Variants in PARD3 observed in about 807,000 individuals in gnomAD.
PARD3 encodes partitioning defective 3 homolog.
PARD3 carries 75 observed loss-of-function variants against 155.4 expected under a neutral mutation model. The observed-to-expected ratio is 0.48, with a 90% CI of 0.40 to 0.58. The LOEUF (loss-of-function observed/expected upper bound fraction) is 0.58. Among genes scored for constraint, PARD3 ranks in the 20% least tolerant of loss-of-function variants. The pLI is 0.00. For synonymous variants in PARD3, 576 were observed against 610.5 expected, an observed-to-expected ratio of 0.94 and a Z score of 0.83; for missense variants, 1,642 against 1,721.7, an observed-to-expected ratio of 0.95 and a Z score of 0.82.
chr10:34,709,168 C>T (rs2094413617), intron 1 of PARD3, among the ~76,000 whole-genome samples: 1 of 151,820 alleles, frequency 6.6e-6, no homozygotes, highest in South Asian at 2.1e-4. Context: ...GAAGATGGGA[C>T]CCAAATTTAA....
At chr10:34,755,269 G>A (rs954927412) in intron 1 of PARD3, among the ~76,000 whole-genome samples, 7 of 151,756 alleles carry the variant, frequency 4.6e-5, no homozygotes, top group South Asian at 4.2e-4. Flanking sequence ...AAAATTAGCC[G>A]GGCGTGGTGG....
chr10:34,420,933 T>TG (rs1395464184), intron 5 of PARD3, among the ~76,000 whole-genome samples: 6 of 152,324 alleles, frequency 3.9e-5, no homozygotes, highest in African/African-American at 1.4e-4. Flanking sequence ...CCCAACACTT[T>TG]GGGAGGCCAA....
intron 20 of PARD3, among the ~76,000 whole-genome samples, chr10:34,291,089 C>T (rs1165366729): frequency 6.6e-6 from 1 of 152,178 alleles, no homozygotes. Flanking sequence ...GAACTAACTT[C>T]CCTCAACCAA....
At chr10:34,734,901 T>C (rs1189098624) in intron 1 of PARD3, among the ~76,000 whole-genome samples, 1 of 152,004 alleles carries the variant, frequency 6.6e-6, no homozygotes, top group Non-Finnish European at 1.5e-5. Context: ...ATATGCCATT[T>C]TAAAAAGTTA....
chr10:34,504,512 A>T (rs906749448), intron 3 of PARD3, among the ~76,000 whole-genome samples: 1 of 152,192 alleles, frequency 6.6e-6, no homozygotes, highest in Non-Finnish European at 1.5e-5. Context: ...CTAATTTACC[A>T]ATCAATATAA....
chr10:34,148,144 A>G (rs1948607659), intron 22 of PARD3, among the ~76,000 whole-genome samples: 1 of 152,190 alleles, frequency 6.6e-6, no homozygotes, highest in Admixed American at 6.5e-5. Context: ...ATACATACGG[A>G]CACAGGCATA....
intron 12 of PARD3, among the ~76,000 whole-genome samples, chr10:34,369,125 G>C (rs1440714567): frequency 6.6e-6 from 1 of 151,700 alleles, no homozygotes; most frequent in Non-Finnish European, 1.5e-5. Context: ...TCCAAGATTT[G>C]GAGTGTCCTA....
intron 20 of PARD3, among the ~76,000 whole-genome samples, chr10:34,312,625 C>A (rs978842994): frequency 6.6e-6 from 1 of 152,148 alleles, no homozygotes. Context: ...CTCTTCAAAA[C>A]TGAATAAAAC....
chr10:34,683,914 T>TC (rs1406776302), intron 2 of PARD3, among the ~76,000 whole-genome samples: 1 of 152,208 alleles, frequency 6.6e-6, no homozygotes, highest in Non-Finnish European at 1.5e-5. Flanking sequence ...TGGGAAGTCA[T>TC]CTTTCTGAAT....
At chr10:34,620,047 G>A (rs148130964) in intron 2 of PARD3, among the ~76,000 whole-genome samples, 34 of 152,248 alleles carry the variant, frequency 2.2e-4, no homozygotes, top group East Asian at 2.1e-3. Context: ...CTCCTCCTCA[G>A]AGACCCCACT....
At chr10:34,231,538 A>G (rs1564503246) in intron 22 of PARD3, among the ~76,000 whole-genome samples, 5 of 152,054 alleles carry the variant, frequency 3.3e-5, no homozygotes. Context: ...ATGTGCAGAA[A>G]ACTTGTATGA....
chr10:34,174,651 A>C (rs12761772), intron 22 of PARD3, among the ~76,000 whole-genome samples: 4,164 of 152,302 alleles, frequency 0.027, 82 homozygotes, highest in Non-Finnish European at 0.04. Flanking sequence ...CTTGGGTTCT[A>C]TCCAGAAGAT....
chr10:34,286,837 T>C (rs192862666), intron 20 of PARD3, among the ~76,000 whole-genome samples: 2 of 151,504 alleles, frequency 1.3e-5, no homozygotes, highest in East Asian at 3.9e-4. Context: ...CAGGAGGCTA[T>C]GGTGATGAAC....
chr10:34,179,568 T>G lies in PARD3; in HGVS notation c.3420-47985A>C, dbSNP rs187257338. On this transcript the variant is annotated intron_variant, in intron 22 of 24. Coordinates refer to ENST00000374788, the MANE Select transcript of PARD3 (RefSeq NM_001184785.2). ...CAATCCAAGATAAATAAATGTCCCT[T>G]CGCTAAAAAGAAACTCAGAACTCAC... Among the ~76,000 whole-genome samples, 488 of 152,292 alleles carry G rather than the reference T, an allele frequency of 3.2e-3. 2 individuals carry two copies. The highest frequency in any genetic ancestry group is 0.011 in the African/African-American group (448 of 41,568).
At chr10:34,145,495 T>C (rs1041397588) in intron 22 of PARD3, among the ~76,000 whole-genome samples, 2 of 151,910 alleles carry the variant, frequency 1.3e-5, no homozygotes, top group South Asian at 4.2e-4. Context: ...ATACTGCTCT[T>C]TGTCCTATAG....
chr10:34,447,758 T>C (rs1369381555), intron 5 of PARD3, among the ~76,000 whole-genome samples: 2 of 146,796 alleles, frequency 1.4e-5, no homozygotes, highest in African/African-American at 5.2e-5. Context: ...TGAACCGAGA[T>C]CGCACCACTG....
chr10:34,143,538 T>C (rs1054884280), intron 22 of PARD3, among the ~76,000 whole-genome samples: 17 of 152,336 alleles, frequency 1.1e-4, no homozygotes, highest in Admixed American at 3.3e-4. Context: ...GTTTTTGCTT[T>C]CTGTCTTTAA....
Position 34,111,210 on chromosome 10 carries a change from T to C in PARD3, c.4021A>G (p.Arg1341Gly). ...PSPSQVARLN[R>G]LQTPEKGRPF... is the part of the protein sequence containing the mutation. ...CTCCCTTTCTCAGGAGTCTGAAGTCTGTTCAGCCTCGCAACCTGAGAAGGG... is the reference window on the plus strand; with the variant it reads ...CTCCCTTTCTCAGGAGTCTGAAGTCCGTTCAGCCTCGCAACCTGAGAAGGG... Residue 1341 changes from arginine to glycine, a missense_variant, in exon 25 of 25, where the codon AGA (arginine) becomes GGA (glycine). Around this residue, in one of 3 missense-constraint regions of PARD3, gnomAD observed 1,529 missense variants for 1,587.3 expected, o/e 0.96. Coordinates refer to ENST00000374788, the MANE Select transcript of PARD3 (RefSeq NM_001184785.2). 5 of 1,594,864 alleles carry C rather than the reference T, an allele frequency of 3.1e-6. No individual in the cohort carries two copies. Among genetic ancestry groups the C allele is most frequent in the Non-Finnish European group, 4.3e-6 (5 of 1,167,194 alleles).
chr10:34,237,221 T>C (rs1271659358), intron 22 of PARD3, among the ~76,000 whole-genome samples: 1 of 152,196 alleles, frequency 6.6e-6, no homozygotes, highest in Non-Finnish European at 1.5e-5. Flanking sequence ...TTTGATCCAT[T>C]GTGTAGGTAC....
Sources: allele counts gnomAD v4.1 joint callset (sites outside exome capture counted in the v4.1 genomes callset), GRCh38; gene constraint gnomAD v4.1.1; regional missense constraint gnomAD v4.1.1; transcripts MANE v1.5; gene names NCBI Gene and HGNC (gene_info 2026-07-23, HGNC 2026-07-21).